Variants in MGAT4A observed in about 807,000 individuals in gnomAD.
MGAT4A encodes N-acetylglucosaminyltransferase IVa.
In MGAT4A, 33 loss-of-function variants were observed where a neutral mutation model predicts 74.1. The observed-to-expected ratio is 0.45, with a 90% CI of 0.34 to 0.60. The LOEUF (loss-of-function observed/expected upper bound fraction) is 0.60, where lower values mean the gene tolerates loss of function less well. Ranked by LOEUF, MGAT4A falls within the 20% of genes least tolerant of loss-of-function variation. MGAT4A has a pLI of 0.02. For synonymous variants in MGAT4A, 198 were observed against 210.4 expected, an observed-to-expected ratio of 0.94 and a Z score of 0.51; for missense variants, 479 against 628.3, an observed-to-expected ratio of 0.76 and a Z score of 2.54.
rs149527671 is a variant in MGAT4A, at chr2:98,656,591, C to T, written c.585-126G>A. 7.0e-3 allele frequency: 4,132 copies of T among 593,000 alleles called. 20 individuals carry two copies. The highest frequency in any genetic ancestry group is 0.013 in the Admixed American group (367 of 28,246). The allele number at this position is 593,000 out of a possible 1,614,324, so 36.7% of individuals were successfully genotyped here. On this transcript the variant is annotated intron_variant, in intron 6 of 15. Transcript: ENST00000393487. ...TTGTAGCAACGTATAATGTTATGGC[C>T]GCAAGGTGTTAAAAGGAGCAGCTCA...
chr2:98,721,853 C>G (rs1372920181), intron 2 of MGAT4A, among the ~76,000 whole-genome samples: 1 of 151,286 alleles, frequency 6.6e-6, no homozygotes, highest in Non-Finnish European at 1.5e-5. Flanking sequence ...AGACATAAGG[C>G]ACAGGAAAAA....
In MGAT4A at chr2:98,636,583, A is replaced by G. The variant is rs1011386632; in HGVS notation, c.1335T>C (p.His445=). 4 of 1,613,090 alleles carry G rather than the reference A, an allele frequency of 2.5e-6. No homozygotes were observed. In the African/African-American group the frequency reaches 4.0e-5, roughly 16 times the overall value. The change falls in exon 13 of 16, where the codon CAT becomes CAC. Residue 445 remains histidine (H), a synonymous_variant. Transcript: ENST00000393487. The part of the protein sequence containing the change: ...KPVNVESYLF[H]SGNQEHPGDI... ...CTCCAGGATGTTCTTGGTTGCCGCT[A>G]TGGAACAAATAACTGAAAATACAAA...
chr2:98,635,985 C>CAAAAA (rs1307746712), intron 13 of MGAT4A, among the ~76,000 whole-genome samples: 1 of 86,166 alleles, frequency 1.2e-5, no homozygotes, highest in Non-Finnish European at 2.7e-5. Context: ...GACTCTGTCT[C>CAAAAA]AAAAAAATAA....
rs546312319 is a variant in MGAT4A, at chr2:98,706,732, TA to T, written c.94+19506del. On this transcript the variant is annotated intron_variant, in intron 2 of 15. Coordinates refer to ENST00000393487, the MANE Select transcript of MGAT4A (RefSeq NM_012214.3). ...AAAATTATATATGTACATATATACA[TA>T]CATAAAAAGTGAATATTCACATCCA... 1.3e-4 allele frequency among the ~76,000 whole-genome samples: 20 copies of T among 151,724 alleles called. 1 individual carries two copies. In the South Asian group the frequency reaches 4.2e-3, roughly 32 times the overall value.
chr2:98,713,517 T>C (rs1702547001), intron 2 of MGAT4A, among the ~76,000 whole-genome samples: 1 of 150,578 alleles, frequency 6.6e-6, no homozygotes, highest in African/African-American at 2.4e-5. Context: ...ATCCCAGCAC[T>C]CTGAGAGGCT....
intron 10 of MGAT4A, 125 bp downstream of exon 10, chr2:98,643,798 A>G: frequency 1.1e-6 from 1 of 937,666 alleles, no homozygotes; most frequent in Non-Finnish European, 1.4e-6. Flanking sequence ...GAAACTTTTT[A>G]TCAGCTCAGG....
chr2:98,718,956 G>A (rs1316500275), intron 2 of MGAT4A, among the ~76,000 whole-genome samples: 1 of 152,160 alleles, frequency 6.6e-6, no homozygotes, highest in African/African-American at 2.4e-5. Flanking sequence ...ATTATCCTCA[G>A]TCCCACCTCA....
intron 2 of MGAT4A, among the ~76,000 whole-genome samples, chr2:98,717,878 T>C (rs753452913): frequency 1.4e-4 from 22 of 152,256 alleles, no homozygotes; most frequent in Non-Finnish European, 2.1e-4. Context: ...GTCGACAATT[T>C]TGGTAAGCCA....
intron 13 of MGAT4A, 79 bp downstream of exon 13, chr2:98,636,438 C>G: frequency 8.9e-7 from 1 of 1,118,854 alleles, no homozygotes; most frequent in South Asian, 1.4e-5. Flanking sequence ...TTTCTTTCCC[C>G]TTAAAAACAA....
intron 14 of MGAT4A, among the ~76,000 whole-genome samples, chr2:98,631,747 C>A (rs184484348): frequency 6.6e-6 from 1 of 152,320 alleles, no homozygotes; most frequent in African/African-American, 2.4e-5. Context: ...ATTCTCCAAG[C>A]CCACGTGTGA....
At chr2:98,657,177 T>C (rs1005025505) in intron 6 of MGAT4A, among the ~76,000 whole-genome samples, 1 of 152,280 alleles carries the variant, frequency 6.6e-6, no homozygotes, top group Non-Finnish European at 1.5e-5. Context: ...CTGACTGAAT[T>C]GCAATTTCTT....
chr2:98,641,717 C>A (rs764697083), intron 10 of MGAT4A, among the ~76,000 whole-genome samples: 1 of 149,460 alleles, frequency 6.7e-6, no homozygotes, highest in East Asian at 2.0e-4. Context: ...AATTAGCAGC[C>A]GGCTTGGTGG....
At chr2:98,690,441 G>T (rs1702180305) in intron 2 of MGAT4A, among the ~76,000 whole-genome samples, 1 of 152,136 alleles carries the variant, frequency 6.6e-6, no homozygotes. Context: ...CTCCCTGCTG[G>T]GTACTGATGG....
rs113298089 is a variant in MGAT4A, at chr2:98,707,586, G to A, written c.94+18653C>T. 9.2e-5 allele frequency among the ~76,000 whole-genome samples: 14 copies of A among 152,216 alleles called. 2 individuals carry two copies. The highest frequency in any genetic ancestry group is 6.2e-4 in the South Asian group (3 of 4,820). ...TTACAGCTCCTCTACAATCAACAGC[G>A]GAATGAGAGGGGAGAAAAAAATCAT... is the stretch of plus-strand genomic sequence containing the variant. On this transcript the variant is annotated intron_variant, in intron 2 of 15. Transcript: ENST00000393487.
chr2:98,705,948 C>CAAAA (rs35710005), intron 2 of MGAT4A, among the ~76,000 whole-genome samples: 19 of 47,478 alleles, frequency 4.0e-4, no homozygotes, highest in African/African-American at 1.5e-3. Flanking sequence ...GACTCCGTCT[C>CAAAA]AAAAAAAAAA....
intron 2 of MGAT4A, among the ~76,000 whole-genome samples, chr2:98,705,759 A>C (rs1261284107): frequency 6.6e-6 from 1 of 151,502 alleles, no homozygotes; most frequent in Non-Finnish European, 1.5e-5. Flanking sequence ...CTGGCTAACA[A>C]GGTGAAACCC....
At position 98,644,034 on chromosome 2, in the gene MGAT4A, C is replaced by T. The variant is rs778645488; in HGVS notation, c.909G>A (p.Pro303=). 1.2e-5 allele frequency: 19 copies of T among 1,587,830 alleles called. No homozygotes were observed. Among genetic ancestry groups the T allele is most frequent in the South Asian group, 4.6e-5 (4 of 87,582 alleles). The change falls in exon 10 of 16, where the codon CCG becomes CCA. Residue 303 remains proline, a synonymous_variant. Transcript: ENST00000393487. The part of the protein sequence containing the change: ...LGFIGKMFQA[P]DLTLIVEFIF... The stretch of plus-strand genomic sequence containing the variant: ...TGAATTCTACAATCAGAGTAAGATC[C>T]GGCGCTTGAAACATTTTACCTGAAA...
rs1216440154 is a variant in MGAT4A, at chr2:98,731,110, C to G, written c.-298G>C. The stretch of plus-strand genomic sequence containing the variant: ...GGAGCTGCTGTAGCCGCCGCCGCCG[C>G]TGCCGCCGCCGCTGCGGGCCGCCCC... On this transcript the variant is annotated 5_prime_UTR_variant, in exon 1 of 16. Coordinates refer to ENST00000393487, the MANE Select transcript of MGAT4A (RefSeq NM_012214.3). This position sits in a 1 kb window ranked among gnomAD's most constrained non-coding sequence, Gnocchi z 4.8. 2 of 72,826 alleles carry G rather than the reference C, an allele frequency of 2.7e-5. No individual in the cohort carries two copies. Among genetic ancestry groups the G allele is most frequent in the Non-Finnish European group, 4.7e-5 (2 of 42,376 alleles). The allele number at this position is 72,826 out of a possible 1,614,324, so 4.5% of individuals were successfully genotyped here.
rs1481324913 is a variant in MGAT4A at position 98,623,870 on chromosome 2, C to A, written c.*1696G>T. On this transcript the variant is annotated 3_prime_UTR_variant, in exon 16 of 16. Coordinates refer to ENST00000393487, the MANE Select transcript of MGAT4A (RefSeq NM_012214.3). ...CCAGGCTAGAGGCAGCCAGCTGGAA[C>A]CTTGCCCCAGCGCTAGGCCCCAGCC... is the stretch of plus-strand genomic sequence containing the variant. 1 of 985,366 alleles carries A rather than the reference C, an allele frequency of 1.0e-6. No individual in the cohort carries two copies. The highest frequency in any genetic ancestry group is 1.1e-4 in the East Asian group (1 of 8,822). The allele number at this position is 985,366 out of a possible 1,614,324, so 61.0% of individuals were successfully genotyped here.
Sources: gnomAD v4.1 joint callset for allele counts (sites outside exome capture counted in the v4.1 genomes callset) on GRCh38, gnomAD v4.1.1 for gene constraint, Gnocchi (gnomAD v3.1) non-coding constraint, MANE v1.5 for transcripts, NCBI Gene and HGNC (gene_info 2026-07-23, HGNC 2026-07-21) for gene names.